The following TEX26 variants were observed in gnomAD, a reference collection of about 807,000 sequenced individuals.
TEX26 encodes testis-expressed protein 26.
In TEX26, 34 loss-of-function variants were observed where a neutral mutation model predicts 35.3. That is an observed-to-expected ratio of 0.96 (90% CI 0.73 to 1.28). TEX26 has a LOEUF of 1.28. TEX26 is among the 50% of genes most tolerant of loss of function. The pLI is 0.00. For missense variants in TEX26, 371 were observed against 330.1 expected (o/e 1.12, Z -0.96); for synonymous variants, 136 against 111.8 (o/e 1.22, Z -1.36).
At chr13:30,965,054 G>A (rs1016443439) in intron 4 of TEX26, among the ~76,000 whole-genome samples, 2 of 152,046 alleles carry the variant, frequency 1.3e-5, no homozygotes, top group Non-Finnish European at 2.9e-5. Flanking sequence ...ATCTTAAGGG[G>A]TGCCCTGATT....
intron 4 of TEX26, among the ~76,000 whole-genome samples, chr13:30,961,731 T>C (rs1361487032): frequency 6.6e-6 from 1 of 152,156 alleles, no homozygotes; most frequent in African/African-American, 2.4e-5. Context: ...GCAATGACCT[T>C]CAATGGAGAT....
chr13:30,941,918 G>A (rs568413980), intron 2 of TEX26, among the ~76,000 whole-genome samples: 1 of 152,098 alleles, frequency 6.6e-6, no homozygotes, highest in East Asian at 1.9e-4. Context: ...TAATCAATGG[G>A]CCCTTAGGTT....
chr13:30,958,293 T>G (rs763408743), intron 4 of TEX26, among the ~76,000 whole-genome samples: 4 of 152,252 alleles, frequency 2.6e-5, no homozygotes, highest in Non-Finnish European at 5.9e-5. Flanking sequence ...TTGGTCTTGC[T>G]TATCAGCAGG....
In TEX26 at chr13:30,932,672, G is replaced by T. The variant is rs776372424; in HGVS notation, c.-44G>T. On this transcript the variant is annotated 5_prime_UTR_variant, in exon 1 of 7. Transcript: ENST00000380473. ...GCAGCCCGCGGCTCCCGCAAGCGCT[G>T]AGATAGCTGGAGCCAGGGCCCCGCG... 1 of 1,602,112 alleles carries T rather than the reference G, an allele frequency of 6.2e-7. No homozygotes were observed. The highest frequency in any genetic ancestry group is 1.7e-5 in the Admixed American group (1 of 58,422).
chr13:30,967,004 T>C (rs1593606074), intron 5 of TEX26, among the ~76,000 whole-genome samples: 1 of 152,174 alleles, frequency 6.6e-6, no homozygotes, highest in Non-Finnish European at 1.5e-5. Context: ...AGGGGATGCT[T>C]CCTTCTCCTA....
intron 5 of TEX26, among the ~76,000 whole-genome samples, chr13:30,967,420 C>T (rs4942126): frequency 0.042 from 6,376 of 152,302 alleles, 171 homozygotes; most frequent in Middle Eastern, 0.16. Flanking sequence ...TCTGATGCTC[C>T]AACTGTGTAG....
chr13:30,952,001 A>ATTTTTTTTTTT (rs751918742), intron 2 of TEX26, among the ~76,000 whole-genome samples: 7 of 50,708 alleles, frequency 1.4e-4, no homozygotes, highest in South Asian at 8.3e-4. Flanking sequence ...TTATTCTGGG[A>ATTTTTTTTTTT]TTTTTTTTTT....
rs752937191 is a variant in TEX26 at position 30,956,863 on chromosome 13, G to C, written c.313-10G>C. The C allele has an allele frequency of 6.2e-7, 1 of 1,612,550 alleles. No individual in the cohort carries two copies. Among genetic ancestry groups the C allele is most frequent in the African/African-American group, 1.3e-5 (1 of 74,852 alleles). ...ATGGATTTTCTTGAAAATTATGTTT[G>C]CTTTGATAGGACATTTTCCTGTGGA... On this transcript the variant is annotated splice_polypyrimidine_tract_variant and intron_variant, in intron 3 of 6. Transcript: ENST00000380473.
chr13:30,947,694 AT>A (rs1257974297), intron 2 of TEX26, among the ~76,000 whole-genome samples: 1 of 152,170 alleles, frequency 6.6e-6, no homozygotes, highest in Admixed American at 6.6e-5. Context: ...TTCAAAAAGG[AT>A]TTGGAAAATC....
intron 5 of TEX26, among the ~76,000 whole-genome samples, chr13:30,967,736 A>G (rs1053043569): frequency 6.6e-6 from 1 of 152,186 alleles, no homozygotes; most frequent in Non-Finnish European, 1.5e-5. Context: ...TGGTTTTTAC[A>G]TCGTGATTCT....
intron 4 of TEX26, among the ~76,000 whole-genome samples, chr13:30,960,398 A>G (rs1322168443): frequency 1.3e-5 from 2 of 151,898 alleles, no homozygotes; most frequent in African/African-American, 4.8e-5. Flanking sequence ...ATGCACCACC[A>G]CGTCCGGCTA....
At chr13:30,951,189 T>C (rs978539510) in intron 2 of TEX26, among the ~76,000 whole-genome samples, 1 of 151,516 alleles carries the variant, frequency 6.6e-6, no homozygotes, top group African/African-American at 2.4e-5. Context: ...TCTCAAAAAA[T>C]AAAAATAAAA....
intron 1 of TEX26, chr13:30,936,806 C>T (rs1333383012): frequency 4.1e-6 from 4 of 985,252 alleles, no homozygotes; most frequent in Non-Finnish European, 4.8e-6. Context: ...ATATGAGCTA[C>T]ACAAAAGGAC....
At chr13:30,946,623 T>G (rs939659973) in intron 2 of TEX26, among the ~76,000 whole-genome samples, 1 of 151,948 alleles carries the variant, frequency 6.6e-6, no homozygotes, top group Non-Finnish European at 1.5e-5. Context: ...TTAAAATTTC[T>G]TTTTTCCCCC....
intron 2 of TEX26, among the ~76,000 whole-genome samples, chr13:30,951,880 A>G (rs1424329806): frequency 6.6e-6 from 1 of 151,758 alleles, no homozygotes; most frequent in Admixed American, 6.6e-5. Context: ...AAAAAGGTCC[A>G]CACATTTCAT....
chr13:30,974,155 T>TAA (rs1227191198), intron 6 of TEX26, among the ~76,000 whole-genome samples: 2 of 139,976 alleles, frequency 1.4e-5, no homozygotes, highest in African/African-American at 2.7e-5. Context: ...TATATATATA[T>TAA]AATTAGGAGT....
At chr13:30,950,551 T>C (rs541782383) in intron 2 of TEX26, among the ~76,000 whole-genome samples, 17 of 152,306 alleles carry the variant, frequency 1.1e-4, no homozygotes, top group African/African-American at 4.1e-4. Context: ...TTAAGCATTC[T>C]ACATCCTCTC....
At chr13:30,937,935 T>C (rs910865482) in intron 1 of TEX26, among the ~76,000 whole-genome samples, 12 of 152,234 alleles carry the variant, frequency 7.9e-5, no homozygotes, top group African/African-American at 2.2e-4. Context: ...ACAGGAACCA[T>C]AAATATTTGG....
At chr13:30,943,378 A>G (rs1953584955) in intron 2 of TEX26, among the ~76,000 whole-genome samples, 1 of 150,978 alleles carries the variant, frequency 6.6e-6, no homozygotes, top group Non-Finnish European at 1.5e-5. Context: ...CATTTATCCA[A>G]ACTCTAGGTA....
Sources: allele counts gnomAD v4.1 joint callset (sites outside exome capture counted in the v4.1 genomes callset), GRCh38; gene constraint gnomAD v4.1.1; transcripts MANE v1.5; gene names NCBI Gene and HGNC (gene_info 2026-07-23, HGNC 2026-07-21).